Variants in PHEX observed in about 807,000 individuals in gnomAD.
PHEX encodes the protein phosphate regulating endopeptidase X-linked.
In PHEX, 16 loss-of-function variants were observed where a neutral mutation model predicts 68.0. The ratio of observed to expected loss-of-function variants is 0.24; its 90% CI spans 0.16 to 0.36. The LOEUF is 0.36. Ranked by LOEUF, PHEX falls within the 10% of genes least tolerant of loss-of-function variation. PHEX has a pLI of 1.00. For synonymous variants in PHEX, 208 were observed against 205.1 expected, an observed-to-expected ratio of 1.01 and a Z score of -0.12; for missense variants, 480 against 575.5, an observed-to-expected ratio of 0.83 and a Z score of 1.70.
Position 22,085,781 on chromosome X carries a change from A to G in PHEX, c.664-4648A>G, listed in dbSNP as rs758427748. Among the ~76,000 whole-genome samples the G allele has an allele frequency of 5.4e-5, 6 of 111,421 alleles. No individual in the cohort carries two copies. The East Asian group carries it at 1.7e-3, about 32-fold the overall frequency. On this transcript the variant is annotated intron_variant, in intron 5 of 21. Transcript: ENST00000379374. ...TAAAAAGAATATGTATTCTGCAGCA[A>G]TTGGGTGAAATGTTCTGTAAATGTC...
intron 2 of PHEX, among the ~76,000 whole-genome samples, chrX:22,045,028 T>TG (rs1156299316): frequency 1.9e-4 from 20 of 108,100 alleles, no homozygotes; most frequent in African/African-American, 6.6e-4. Context: ...GTGTTTTTTT[T>TG]TTGTGTGTGT....
At chrX:22,033,187 T>A in intron 1 of PHEX, 64 bp downstream of exon 1, 1 of 824,873 alleles carries the variant, frequency 1.2e-6, no homozygotes, top group Non-Finnish European at 1.8e-6. Flanking sequence ...TGTGCTTTAT[T>A]GTAGCAAAAC....
At chrX:22,112,306 T>C (rs1931007778) in intron 10 of PHEX, among the ~76,000 whole-genome samples, 1 of 111,636 alleles carries the variant, frequency 9.0e-6, no homozygotes, top group Non-Finnish European at 1.9e-5. Flanking sequence ...CCTTTGCTTC[T>C]CTCCCACCCT....
At chrX:22,066,532 G>A (rs193102781) in intron 3 of PHEX, among the ~76,000 whole-genome samples, 50 of 112,370 alleles carry the variant, frequency 4.4e-4, no homozygotes, top group Non-Finnish European at 4.5e-4. Context: ...GGTGGGCATG[G>A]TAGTTAGTAC....
chrX:22,231,984 G>T (rs1054437105), intron 20 of PHEX, among the ~76,000 whole-genome samples: 2 of 111,681 alleles, frequency 1.8e-5, no homozygotes, highest in African/African-American at 3.3e-5. Context: ...GTTCTCACTG[G>T]TTTCAAAGAA....
intron 9 of PHEX, among the ~76,000 whole-genome samples, chrX:22,108,670 G>A (rs971165377): frequency 7.2e-5 from 8 of 111,626 alleles, no homozygotes; most frequent in Non-Finnish European, 1.3e-4. Flanking sequence ...CAGCTGATAC[G>A]GTGGCTCACG....
intron 5 of PHEX, among the ~76,000 whole-genome samples, chrX:22,081,883 G>T (rs755698911): frequency 4.8e-4 from 54 of 111,941 alleles, no homozygotes; most frequent in Non-Finnish European, 9.0e-4. Flanking sequence ...GACAATAAAA[G>T]ACGTGAGTAT....
chrX:22,249,452 AAAAATAT>A lies in PHEX; in HGVS notation c.*1501_*1507del, dbSNP rs1490300875. The A allele has an allele frequency of 3.0e-4, 12 of 40,619 alleles. No homozygotes were observed. Among genetic ancestry groups the A allele is most frequent in the African/African-American group, 1.4e-3 (12 of 8,862 alleles). 3.3% of individuals were successfully genotyped at this position (40,619 alleles called of 1,213,427 possible). ...GATTTGTGATTCTTTTAAAAAAAAA[AAAAATAT>A]ATATATATATATATATATATATATA... On this transcript the variant is annotated 3_prime_UTR_variant, in exon 22 of 22. Transcript: ENST00000379374.
At chrX:22,175,349 T>TG (rs1397046542) in intron 13 of PHEX, among the ~76,000 whole-genome samples, 1 of 84,154 alleles carries the variant, frequency 1.2e-5, no homozygotes, top group Non-Finnish European at 2.6e-5. Context: ...CTTTACAACG[T>TG]TTTTTTTTTT....
At chrX:22,095,141 C>T (rs761879603) in intron 7 of PHEX, among the ~76,000 whole-genome samples, 1 of 111,385 alleles carries the variant, frequency 9.0e-6, no homozygotes, top group East Asian at 2.9e-4. Context: ...ATTGGTCTCT[C>T]TCTCTTTGCC....
At chrX:22,155,371 T>C (rs1298632943) in intron 12 of PHEX, among the ~76,000 whole-genome samples, 1 of 112,573 alleles carries the variant, frequency 8.9e-6, no homozygotes, top group East Asian at 2.8e-4. Context: ...ACTTAAACTG[T>C]TGATGAGACA....
chrX:22,224,303 A>AAAGT (rs1016483174), intron 18 of PHEX, among the ~76,000 whole-genome samples: 1 of 111,796 alleles, frequency 8.9e-6, no homozygotes, highest in African/African-American at 3.3e-5. Flanking sequence ...ATTTATTCAG[A>AAAGT]AAGTCGTTTC....
chrX:22,155,908 T>C (rs774721931), intron 12 of PHEX, among the ~76,000 whole-genome samples: 1 of 111,516 alleles, frequency 9.0e-6, no homozygotes, highest in South Asian at 3.8e-4. Flanking sequence ...ATCTTAGGCA[T>C]TGTGTGGGCT....
At chrX:22,114,831 A>G (rs1931162422) in intron 11 of PHEX, among the ~76,000 whole-genome samples, 1 of 111,036 alleles carries the variant, frequency 9.0e-6, no homozygotes, top group Non-Finnish European at 1.9e-5. Context: ...GGGAGAGTGA[A>G]TAAACTGAGG....
Position 22,114,557 on chromosome X carries a change from G to A in PHEX, c.1273G>A (p.Val425Met). 8.3e-7 allele frequency: 1 copy of A among 1,204,940 alleles called. No individual in the cohort carries two copies. ...TGTTGTTGGAAAGATGTTTGTAGATGTGTACTTCCAGGAAGATAAGAAGGA... is the reference window on the plus strand; with the variant it reads ...TGTTGTTGGAAAGATGTTTGTAGATATGTACTTCCAGGAAGATAAGAAGGA... ...PYVVGKMFVD[V>M]YFQEDKKEMM... Residue 425 changes from valine to methionine, a missense_variant, in exon 11 of 22, where the codon GTG (valine) becomes ATG (methionine). Physicochemically the swap from Val to Met is conservative, Grantham distance 21 (BLOSUM62 1). Transcript: ENST00000379374.
At chrX:22,161,095 C>T (rs781256686) in intron 12 of PHEX, among the ~76,000 whole-genome samples, 76 of 109,514 alleles carry the variant, frequency 6.9e-4, no homozygotes, top group Non-Finnish European at 1.2e-3. Context: ...GAGATTGTGC[C>T]ACTACACTCC....
rs1166760060 is a variant in PHEX at position 22,175,614 on chromosome X, G to A, written c.1483-2659G>A. Among the ~76,000 whole-genome samples the A allele has an allele frequency of 2.7e-5, 3 of 111,893 alleles. No homozygotes were observed. In the East Asian group the frequency reaches 8.4e-4, roughly 31 times the overall value. The stretch of plus-strand genomic sequence containing the variant: ...TATCTGCCAGCCTCGGCCTCCCAAA[G>A]TGTTGGGATTACAGGCATGAGTCAC... On this transcript the variant is annotated intron_variant, in intron 13 of 21. Transcript: ENST00000379374.
chrX:22,187,386 A>G (rs1934064910), intron 14 of PHEX, among the ~76,000 whole-genome samples: 1 of 111,641 alleles, frequency 9.0e-6, no homozygotes, highest in Non-Finnish European at 1.9e-5. Flanking sequence ...TTGCCCCTAC[A>G]TCTTAGAGCC....
chrX:22,212,222 C>A (rs1174888596), intron 15 of PHEX, among the ~76,000 whole-genome samples: 1 of 111,080 alleles, frequency 9.0e-6, no homozygotes, highest in Non-Finnish European at 1.9e-5. Context: ...GAAAGTATGG[C>A]CTCTTAGGGC....
Sources: gnomAD v4.1 joint callset for allele counts (sites outside exome capture counted in the v4.1 genomes callset) on GRCh38, gnomAD v4.1.1 for gene constraint, MANE v1.5 for transcripts, NCBI Gene and HGNC (gene_info 2026-07-23, HGNC 2026-07-21) for gene names.